The following DYNC2I2 variants were observed in gnomAD, a reference collection of about 807,000 sequenced individuals.
DYNC2I2 encodes dynein 2 intermediate chain 2.
DYNC2I2 carries 39 observed loss-of-function variants against 52.0 expected under a neutral mutation model. That is an observed-to-expected ratio of 0.75 (90% CI 0.58 to 0.98). The LOEUF is 0.98. Ranked by LOEUF, DYNC2I2 falls within the 50% of genes least tolerant of loss-of-function variation. The probability of loss-of-function intolerance (pLI) is 0.00; values close to 1 mark genes in which losing one functional copy is unlikely to be tolerated. For synonymous variants in DYNC2I2, 359 were observed against 321.1 expected, an observed-to-expected ratio of 1.12 and a Z score of -1.26; for missense variants, 743 against 728.4, an observed-to-expected ratio of 1.02 and a Z score of -0.23.
chr9:128,662,734 C>A, the DYNC2I2 span, among the ~76,000 whole-genome samples: 1 of 152,150 alleles, frequency 6.6e-6, no homozygotes, highest in Non-Finnish European at 1.5e-5. Flanking sequence ...CAACTGCCAC[C>A]ATGCTGGGCT....
chr9:128,635,958 C>T (rs937888262), intron 4 of DYNC2I2, 191 bp from the exon 5 acceptor site: 20 of 673,244 alleles, frequency 3.0e-5, no homozygotes, highest in Admixed American at 5.1e-5. Context: ...GGAGCTTTGC[C>T]GGACACCCCT....
At chr9:128,659,310 A>G (rs1003409918), upstream of DYNC2I2, among the ~76,000 whole-genome samples, 27 of 151,650 alleles carry the variant, frequency 1.8e-4, no homozygotes, top group Middle Eastern at 6.8e-3. Flanking sequence ...CCTGGCTAAC[A>G]TGATGAAACC....
At chr9:128,642,736 C>T (rs1177279626) in intron 1 of DYNC2I2, among the ~76,000 whole-genome samples, 1 of 151,938 alleles carries the variant, frequency 6.6e-6, no homozygotes, top group East Asian at 1.9e-4. Flanking sequence ...GCCCGGGTGA[C>T]AGAGCGAGAC....
In DYNC2I2 at chr9:128,633,666, T is replaced by A. The variant is rs1860213502; in HGVS notation, c.*78A>T. 1 of 1,486,904 alleles carries A rather than the reference T, an allele frequency of 6.7e-7. No homozygotes were observed. Among genetic ancestry groups the A allele is most frequent in the Admixed American group, 2.0e-5 (1 of 50,766 alleles). The allele number at this position is 1,486,904 out of a possible 1,614,324, so 92.1% of individuals were successfully genotyped here. A position where few individuals can be genotyped will look rare whatever the true frequency, so the allele number is the denominator to read the frequency against. The stretch of plus-strand genomic sequence containing the variant: ...ATAAATGATGACTTCCCCCAAAGCT[T>A]TGCTTTTCTTCATTTGGCTTGCGTC... On this transcript the variant is annotated 3_prime_UTR_variant, in exon 9 of 9. Transcript: ENST00000372715.
the DYNC2I2 span, among the ~76,000 whole-genome samples, chr9:128,678,072 CTT>C: frequency 1.4e-4 from 20 of 141,542 alleles, no homozygotes; most frequent in Non-Finnish European, 9.3e-5. Context: ...CTTTTCTTTT[CTT>C]TTTTTTTTTT....
intron 1 of DYNC2I2, among the ~76,000 whole-genome samples, chr9:128,650,270 A>G (rs7048871): frequency 1 from 53,919 of 53,928 alleles, 26,958 homozygotes; most frequent in Middle Eastern, 1. Context: ...CAGCAGGGCC[A>G]GTCACTGACA....
chr9:128,684,239 G>C, the DYNC2I2 span, among the ~76,000 whole-genome samples: 6 of 152,044 alleles, frequency 3.9e-5, no homozygotes, highest in African/African-American at 7.2e-5. Flanking sequence ...CCCTGAGCTT[G>C]TCTCCCCAGC....
the DYNC2I2 span, among the ~76,000 whole-genome samples, chr9:128,664,308 C>T: frequency 6.6e-6 from 1 of 151,796 alleles, no homozygotes; most frequent in African/African-American, 2.4e-5. Context: ...TCCTTGATGT[C>T]TCTGTTCAAA....
Position 128,642,541 on chromosome 9 carries a change from C to T in DYNC2I2, c.187-1602G>A, listed in dbSNP as rs527280669. ...ATCCCAGCACTTTGGGAGGCCGAGG[C>T]GGGCGGATCACAAGGTCAGGAGATC... On this transcript the variant is annotated intron_variant, in intron 1 of 8. Transcript: ENST00000372715. Among the ~76,000 whole-genome samples, 22 of 150,810 alleles carry T rather than the reference C, an allele frequency of 1.5e-4. No homozygotes were observed. The South Asian group carries it at 3.1e-3, about 22-fold the overall frequency.
chr9:128,634,118 G>A (rs764099271), intron 8 of DYNC2I2, 108 bp downstream of exon 8: 78 of 1,562,806 alleles, frequency 5.0e-5, no homozygotes, highest in Middle Eastern at 3.9e-4. Flanking sequence ...GAGGGAAGCC[G>A]TCCTTACCCC....
chr9:128,648,792 T>TC (rs980980017), intron 1 of DYNC2I2, among the ~76,000 whole-genome samples: 1 of 90,446 alleles, frequency 1.1e-5, no homozygotes, highest in Admixed American at 1.3e-4. Context: ...GGAGGGAGAC[T>TC]CCGTTTCAAA....
In DYNC2I2 at chr9:128,639,125, C is replaced by T. The variant is rs150787082; in HGVS notation, c.435+1566G>A. 2.7e-3 allele frequency among the ~76,000 whole-genome samples: 414 copies of T among 151,954 alleles called. 10 individuals carry two copies. The East Asian group carries it at 0.041, about 15-fold the overall frequency. ...CTCTAAAAAAATTTTTTTGGCCAGG[C>T]GAGGTGGCTCACGCCTGTAATCACA... On this transcript the variant is annotated intron_variant, in intron 2 of 8. Transcript: ENST00000372715.
At chr9:128,639,190 A>C (rs1042253055) in intron 2 of DYNC2I2, among the ~76,000 whole-genome samples, 2 of 152,110 alleles carry the variant, frequency 1.3e-5, no homozygotes, top group African/African-American at 4.8e-5. Flanking sequence ...ACCTGAGGTC[A>C]GGAATTCGAG....
the DYNC2I2 span, among the ~76,000 whole-genome samples, chr9:128,667,245 T>G: frequency 6.6e-6 from 1 of 152,094 alleles, no homozygotes; most frequent in Non-Finnish European, 1.5e-5. Context: ...GTGCCTTTAG[T>G]GCCAGCTACT....
At chr9:128,684,050 G>C in the DYNC2I2 span, 2 of 1,442,288 alleles carry the variant, frequency 1.4e-6, no homozygotes, top group Non-Finnish European at 1.9e-6. Flanking sequence ...TAAGGGATTT[G>C]CAAGGATTGA....
In DYNC2I2 at chr9:128,640,817, A is replaced by G. The variant is rs2298045; in HGVS notation, c.309T>C (p.Tyr103=). ...VPVSVQPPSQ[Y]DIPRLAAFLR... is the part of the protein sequence containing the mutation. ...GAAAGGCTGCGAGCCTGGGTATGTC[A>G]TACTGGGACGGGGGCTGCACGCTGA... Residue 103 remains tyrosine, a synonymous_variant, in exon 2 of 9, where the codon TAT becomes TAC. Coordinates refer to ENST00000372715, the MANE Select transcript of DYNC2I2 (RefSeq NM_052844.4). The G allele has an allele frequency of 0.86, 1,388,114 of 1,614,010 alleles. 600,507 individuals carry two copies. The highest frequency in any genetic ancestry group is 0.89 in the Non-Finnish European group (1,048,836 of 1,180,028).
chr9:128,683,807 C>T, the DYNC2I2 span: 13 of 1,167,116 alleles, frequency 1.1e-5, no homozygotes, highest in Admixed American at 2.2e-4. Context: ...CAGATTTAAG[C>T]CGCTGGCACC....
At chr9:128,634,042 G>A in intron 8 of DYNC2I2, 60 bp from the exon 9 acceptor site, 2 of 1,590,300 alleles carry the variant, frequency 1.3e-6, no homozygotes, top group Non-Finnish European at 1.7e-6. Context: ...CACATGGCAG[G>A]AGGAGGCTAA....
Position 128,640,819 on chromosome 9 carries a change from A to G in DYNC2I2, c.307T>C (p.Tyr103His). ...AAGGCTGCGAGCCTGGGTATGTCAT[A>G]CTGGGACGGGGGCTGCACGCTGACA... Reference protein sequence around the residue: ...VPVSVQPPSQYDIPRLAAFLR... With the variant: ...VPVSVQPPSQHDIPRLAAFLR... The change falls in exon 2 of 9, where the codon TAT (tyrosine) becomes CAT (histidine). Residue 103 changes from tyrosine (Y) to histidine (H), a missense_variant. Transcript: ENST00000372715. The G allele has an allele frequency of 6.2e-7, 1 of 1,614,090 alleles. No homozygotes were observed. Among genetic ancestry groups the G allele is most frequent in the Non-Finnish European group, 8.5e-7 (1 of 1,180,016 alleles).
Sources: allele counts gnomAD v4.1 joint callset (sites outside exome capture counted in the v4.1 genomes callset), GRCh38; gene constraint gnomAD v4.1.1; transcripts MANE v1.5; gene names NCBI Gene and HGNC (gene_info 2026-07-23, HGNC 2026-07-21).